Variants in DNAH6 observed in about 807,000 individuals in gnomAD.
DNAH6 encodes the protein axonemal beta dynein heavy chain 6.
DNAH6 carries 340 observed loss-of-function variants against 491.4 expected under a neutral mutation model. That is an observed-to-expected ratio of 0.69 (90% CI 0.63 to 0.76). The LOEUF (loss-of-function observed/expected upper bound fraction) is 0.76, where lower values mean the gene tolerates loss of function less well. DNAH6 is among the 30% of genes least tolerant of loss of function. The probability of loss-of-function intolerance (pLI) is 0.00; values close to 1 mark genes in which losing one functional copy is unlikely to be tolerated. For missense variants in DNAH6, 4,443 were observed against 4,972.2 expected (o/e 0.89, Z 3.20); for synonymous variants, 1,603 against 1,686.1 (o/e 0.95, Z 1.21).
At chr2:84,573,229 T>G (rs1287609287) in intron 11 of DNAH6, among the ~76,000 whole-genome samples, 1 of 152,248 alleles carries the variant, frequency 6.6e-6, no homozygotes, top group African/African-American at 2.4e-5. Flanking sequence ...ACAGGAATAA[T>G]TCTTCAAAAG....
At chr2:84,581,188 A>G (rs906915017) in intron 14 of DNAH6, among the ~76,000 whole-genome samples, 4 of 152,218 alleles carry the variant, frequency 2.6e-5, no homozygotes, top group Admixed American at 1.3e-4. Flanking sequence ...ATGGCTGCAG[A>G]GGGTCAGCTG....
chr2:84,722,738 C>T lies in DNAH6; in HGVS notation c.9906C>T (p.Tyr3302=). 1 of 1,542,096 alleles carries T rather than the reference C, an allele frequency of 6.5e-7. No individual in the cohort carries two copies. The change falls in exon 60 of 77, where the codon TAC becomes TAT. Residue 3302 remains tyrosine (Y), a synonymous_variant. Coordinates refer to ENST00000389394, the MANE Select transcript of DNAH6 (RefSeq NM_001370.2). ...RPVATQGSVM[Y]FVIASLSEID... ...TGGCCACTCAAGGCTCTGTAATGTA[C>T]TTTGTCATTGCAAGCCTCTCAGAAA...
chr2:84,497,224 G>T, the DNAH6 span, among the ~76,000 whole-genome samples: 1 of 152,008 alleles, frequency 6.6e-6, no homozygotes, highest in Non-Finnish European at 1.5e-5. Context: ...GCCAGCCTTG[G>T]CCTCCCAAAG....
intron 62 of DNAH6, among the ~76,000 whole-genome samples, chr2:84,743,758 G>A (rs1672723098): frequency 1.3e-5 from 2 of 152,278 alleles, no homozygotes; most frequent in South Asian, 2.1e-4. Context: ...GGAGGCAAAG[G>A]TTGCAGTGAG....
intron 11 of DNAH6, among the ~76,000 whole-genome samples, chr2:84,562,715 T>C (rs1245285013): frequency 2.6e-5 from 4 of 152,192 alleles, no homozygotes; most frequent in Non-Finnish European, 2.9e-5. Context: ...GTCCTCTCCA[T>C]TGGAGTCACA....
intron 45 of DNAH6, among the ~76,000 whole-genome samples, chr2:84,689,351 C>T (rs959984362): frequency 1.3e-5 from 2 of 151,506 alleles, no homozygotes; most frequent in Admixed American, 6.6e-5. Context: ...TGTAATAAGC[C>T]ACTCCTACCC....
intron 23 of DNAH6, among the ~76,000 whole-genome samples, chr2:84,619,473 G>A (rs766928903): frequency 4.6e-5 from 7 of 152,138 alleles, no homozygotes; most frequent in Non-Finnish European, 8.8e-5. Flanking sequence ...AATTCTAGGT[G>A]TGCATCATCA....
the DNAH6 span, among the ~76,000 whole-genome samples, chr2:84,474,767 G>A: frequency 1.3e-5 from 2 of 152,130 alleles, no homozygotes; most frequent in African/African-American, 4.8e-5. Context: ...CAATAAAAAT[G>A]GATGCCTTTT....
the DNAH6 span, among the ~76,000 whole-genome samples, chr2:84,464,109 C>T: frequency 6.6e-6 from 1 of 152,098 alleles, no homozygotes; most frequent in Non-Finnish European, 1.5e-5. Context: ...TCTGTGCTGG[C>T]ATCTCCTGAT....
intron 29 of DNAH6, among the ~76,000 whole-genome samples, chr2:84,625,917 GTTAA>G (rs1687813234): frequency 6.6e-6 from 1 of 152,078 alleles, no homozygotes; most frequent in Admixed American, 6.5e-5. Flanking sequence ...AACTTTTTCA[GTTAA>G]TTGTTTATAC....
chr2:84,547,657 C>A, intron 7 of DNAH6, 45 bp downstream of exon 7: 1 of 1,522,552 alleles, frequency 6.6e-7, no homozygotes, highest in Non-Finnish European at 8.8e-7. Context: ...TGGTGGCTTT[C>A]TAAAATTTCA....
chr2:84,611,237 A>T lies in DNAH6; in HGVS notation c.3295-437A>T, dbSNP rs147320134. ...GACATGAGCAGGGTTTTTTAAAAAAATTTTCTTTTTTAAAGAAAGGTGAAT... is the reference window on the plus strand; with the variant it reads ...GACATGAGCAGGGTTTTTTAAAAAATTTTTCTTTTTTAAAGAAAGGTGAAT... On this transcript the variant is annotated intron_variant, in intron 21 of 76. Coordinates refer to ENST00000389394, the MANE Select transcript of DNAH6 (RefSeq NM_001370.2). Among the ~76,000 whole-genome samples, 720 of 148,816 alleles carry T rather than the reference A, an allele frequency of 4.8e-3. 3 individuals carry two copies. Among genetic ancestry groups the T allele is most frequent in the African/African-American group, 0.017 (677 of 39,340 alleles).
chr2:84,738,739 T>C (rs1015817479), intron 62 of DNAH6, among the ~76,000 whole-genome samples: 1 of 152,186 alleles, frequency 6.6e-6, no homozygotes, highest in Admixed American at 6.5e-5. Context: ...ACATGTGAGA[T>C]TGGGTCTCTT....
chr2:84,548,316 T>C lies in DNAH6; in HGVS notation c.1215T>C (p.Ser405=). The C allele has an allele frequency of 6.2e-7, 1 of 1,613,910 alleles. No individual in the cohort carries two copies. The highest frequency in any genetic ancestry group is 1.7e-5 in the Admixed American group (1 of 59,972). ...EDYHKVQSSG[S]FINTPHELPT... ...ATCATAAAGTGCAGAGCAGTGGAAG[T>C]TTCATTAATACACCACATGAGTTGC... is the stretch of plus-strand genomic sequence containing the variant. The change falls in exon 8 of 77, where the codon AGT becomes AGC. Residue 405 remains serine, a synonymous_variant. Coordinates refer to ENST00000389394, the MANE Select transcript of DNAH6 (RefSeq NM_001370.2).
At chr2:84,693,193 C>T (rs1695041333) in intron 45 of DNAH6, among the ~76,000 whole-genome samples, 1 of 152,002 alleles carries the variant, frequency 6.6e-6, no homozygotes, top group African/African-American at 2.4e-5. Flanking sequence ...CCGAGATTTG[C>T]CCTCCTTATC....
chr2:84,791,035 C>G (rs1294353933), intron 68 of DNAH6, among the ~76,000 whole-genome samples: 12 of 151,858 alleles, frequency 7.9e-5, no homozygotes, highest in Admixed American at 3.3e-4. Flanking sequence ...ACTAAAAATA[C>G]AAAAATTAGC....
chr2:84,769,238 A>T (rs1186607092), intron 64 of DNAH6, among the ~76,000 whole-genome samples: 1 of 152,338 alleles, frequency 6.6e-6, no homozygotes, highest in East Asian at 1.9e-4. Flanking sequence ...AGATAAAGAC[A>T]GAGCAGCCAG....
chr2:84,764,795 T>A (rs1239707756), intron 64 of DNAH6, among the ~76,000 whole-genome samples: 2 of 152,186 alleles, frequency 1.3e-5, no homozygotes, highest in African/African-American at 4.8e-5. Flanking sequence ...TTCCATGGTG[T>A]ATATATACAT....
chr2:84,598,741 G>T (rs1028966943), intron 18 of DNAH6, among the ~76,000 whole-genome samples: 2 of 152,188 alleles, frequency 1.3e-5, no homozygotes, highest in East Asian at 1.9e-4. Flanking sequence ...TCTTAAAATT[G>T]TCATAATTGG....
Sources: gnomAD v4.1 joint callset for allele counts (sites outside exome capture counted in the v4.1 genomes callset) on GRCh38, gnomAD v4.1.1 for gene constraint, MANE v1.5 for transcripts, NCBI Gene and HGNC (gene_info 2026-07-23, HGNC 2026-07-21) for gene names.